HMCN2: variants seen among roughly 807,000 people sequenced by gnomAD.
The protein encoded by HMCN2 is hemicentin 2, also known as hemicentin-2.
A neutral mutation model predicts 377.5 loss-of-function variants in HMCN2; 325 were observed. That is an observed-to-expected ratio of 0.86 (90% CI 0.79 to 0.94). The LOEUF (loss-of-function observed/expected upper bound fraction) is 0.94. HMCN2 is among the 40% of genes least tolerant of loss of function. The pLI is 0.00. For missense variants in HMCN2, 4,543 were observed against 4,725.3 expected (o/e 0.96, Z 1.13); for synonymous variants, 2,007 against 2,046.8 (o/e 0.98, Z 0.53).
Position 130,366,198 on chromosome 9 carries a change from C to A in HMCN2, c.6625+203C>A, listed in dbSNP as rs181508136. On this transcript the variant is annotated intron_variant, in intron 43 of 97. Transcript: ENST00000683500. ...CCCTGAGCCTGCAGGAGCCCCTGGT[C>A]CTGCTCTGCCAGTAAGAGCTGGATT... Among the ~76,000 whole-genome samples, 22 of 152,336 alleles carry A rather than the reference C, an allele frequency of 1.4e-4. No individual in the cohort carries two copies. In the East Asian group the frequency reaches 4.2e-3, roughly 29 times the overall value.
chr9:130,382,665 T>TC lies in HMCN2; in HGVS notation c.8546-9dup. ...CCTGTGCCAGCCCCTCAGCCCCCTC[T>TC]CCCCCACCCCCAGCCCCACCTGTGA... On this transcript the variant is annotated splice_polypyrimidine_tract_variant and intron_variant, in intron 55 of 97. Transcript: ENST00000683500. 1 of 505,592 alleles carries TC rather than the reference T, an allele frequency of 2.0e-6. No individual in the cohort carries two copies. The highest frequency in any genetic ancestry group is 2.5e-6 in the Non-Finnish European group (1 of 407,062). 31.3% of individuals were successfully genotyped at this position (505,592 alleles called of 1,614,324 possible).
intron 51 of HMCN2, among the ~76,000 whole-genome samples, chr9:130,376,222 G>A (rs988409482): frequency 6.6e-6 from 1 of 152,146 alleles, no homozygotes; most frequent in South Asian, 2.1e-4. Context: ...GCTTCCTCCT[G>A]CCACTTCTGC....
intron 4 of HMCN2, among the ~76,000 whole-genome samples, chr9:130,290,523 G>T (rs78072800): frequency 6.6e-6 from 1 of 152,190 alleles, no homozygotes; most frequent in Non-Finnish European, 1.5e-5. Flanking sequence ...ACAAGGCCTG[G>T]CCCGGGGGAA....
intron 62 of HMCN2, among the ~76,000 whole-genome samples, chr9:130,388,743 G>A (rs564090221): frequency 5.4e-4 from 79 of 146,596 alleles, no homozygotes; most frequent in African/African-American, 1.1e-3. Flanking sequence ...CATAAAGAGC[G>A]TCTCCTGTGA....
Position 130,304,952 on chromosome 9 carries a change from C to G in HMCN2, c.1766C>G (p.Ala589Gly), listed in dbSNP as rs1554936138. The change falls in exon 11 of 98, where the codon GCC (alanine) becomes GGC (glycine). Residue 589 changes from alanine to glycine, a missense_variant. Ala to Gly is a moderately conservative substitution (Grantham distance 60). Transcript: ENST00000683500. The surrounding 1 kb of genome is among the most constrained non-coding windows in gnomAD (Gnocchi z 4.3). ...GACGGCGGGAGGTACCAGTGTGTGGCCAGCAATGCCAATGGGGTCACAAGG... is the reference window on the plus strand; with the variant it reads ...GACGGCGGGAGGTACCAGTGTGTGGGCAGCAATGCCAATGGGGTCACAAGG... ...PTDGGRYQCVASNANGVTRAS... is the reference protein window; with the variant it reads ...PTDGGRYQCVGSNANGVTRAS... 2.1e-6 allele frequency: 1 copy of G among 471,094 alleles called. No individual in the cohort carries two copies. The highest frequency in any genetic ancestry group is 4.4e-6 in the Non-Finnish European group (1 of 227,052). 29.2% of individuals were successfully genotyped at this position (471,094 alleles called of 1,614,324 possible).
chr9:130,348,934 G>T, intron 27 of HMCN2, 50 bp from the exon 28 acceptor site: 1 of 1,284,846 alleles, frequency 7.8e-7, no homozygotes, highest in South Asian at 1.3e-5. Context: ...GATGCTGGGG[G>T]TGGTGGCTGG....
chr9:130,429,699 C>T lies in HMCN2; in HGVS notation c.14326+14C>T. 7.6e-7 allele frequency: 1 copy of T among 1,323,472 alleles called. No homozygotes were observed. The highest frequency in any genetic ancestry group is 1.0e-6 in the Non-Finnish European group (1 of 989,046). 82.0% of individuals were successfully genotyped at this position (1,323,472 alleles called of 1,614,324 possible). A position where few individuals can be genotyped will look rare whatever the true frequency, so the allele number is the denominator to read the frequency against. On this transcript the variant is annotated intron_variant, in intron 94 of 97. Transcript: ENST00000683500. ...TGCCCTGCCTAGGTACGGGGACACCCACCCTCTGGCCACACCGCTGCAGCT... is the reference window on the plus strand; with the variant it reads ...TGCCCTGCCTAGGTACGGGGACACCTACCCTCTGGCCACACCGCTGCAGCT...
In HMCN2 at chr9:130,352,961, C is replaced by T. The variant is rs950070911; in HGVS notation, c.4620C>T (p.Gly1540=). Residue 1540 remains glycine, a synonymous_variant, in exon 31 of 98, where the codon GGC becomes GGT. Transcript: ENST00000683500. ...PPTIWGSNET[G]EVAVMEDHLV... ...CTATCTGGGGCTCCAACGAGACAGG[C>T]GAGGTGGCCGTCATGGAGGACCACC... 4.9e-5 allele frequency: 64 copies of T among 1,300,334 alleles called. No individual in the cohort carries two copies. The highest frequency in any genetic ancestry group is 6.1e-5 in the Non-Finnish European group (60 of 986,820). 80.5% of individuals were successfully genotyped at this position (1,300,334 alleles called of 1,614,324 possible). A position where few individuals can be genotyped will look rare whatever the true frequency, so the allele number is the denominator to read the frequency against.
In HMCN2 at chr9:130,388,518, G is replaced by A. The variant is rs1195699109; in HGVS notation, c.9501G>A (p.Trp3167Ter). The A allele has an allele frequency of 1.0e-6, 1 of 988,012 alleles. No individual in the cohort carries two copies. Among genetic ancestry groups the A allele is most frequent in the Non-Finnish European group, 1.2e-6 (1 of 830,168 alleles). 61.2% of individuals were successfully genotyped at this position (988,012 alleles called of 1,614,324 possible). The change falls in exon 62 of 98, where the codon TGG becomes TGA. Residue 3167 changes from tryptophan (W) to a stop codon, truncating the protein, a stop_gained. Transcript: ENST00000683500. LOFTEE classifies it high-confidence loss of function. Reference protein sequence around the residue: ...VSGVPAPTVTWLKDRMPVESS... With the variant: ...VSGVPAPTVT The stretch of plus-strand genomic sequence containing the variant: ...GGGTCCCTGCACCCACGGTCACTTG[G>A]CTGAAGGACAGGATGCCTGTGGGTG...
At chr9:130,314,555 C>G (rs1837436910) in intron 15 of HMCN2, among the ~76,000 whole-genome samples, 1 of 152,170 alleles carries the variant, frequency 6.6e-6, no homozygotes, top group Non-Finnish European at 1.5e-5. Flanking sequence ...TCGCAGCATT[C>G]CCTCTGTGGG....
rs1217901834 is a variant in HMCN2 at position 130,423,930 on chromosome 9, G to C, written c.13382-846G>C. On this transcript the variant is annotated intron_variant, in intron 87 of 97. Transcript: ENST00000683500. This position sits in a 1 kb window ranked among gnomAD's most constrained non-coding sequence, Gnocchi z 5.5. Reference sequence around the variant, plus strand: ...CGTGGTGACCCGGGGCCCTCAATCGGTATTTGTTGAACTGAGTTAAATATC... The same window carrying C: ...CGTGGTGACCCGGGGCCCTCAATCGCTATTTGTTGAACTGAGTTAAATATC... 6.6e-6 allele frequency among the ~76,000 whole-genome samples: 1 copy of C among 152,014 alleles called. No individual in the cohort carries two copies. The highest frequency in any genetic ancestry group is 6.5e-5 in the Admixed American group (1 of 15,272).
chr9:130,360,564 G>A lies in HMCN2; in HGVS notation c.5910G>A (p.Val1970=). 2 of 1,304,124 alleles carry A rather than the reference G, an allele frequency of 1.5e-6. No homozygotes were observed. Among genetic ancestry groups the A allele is most frequent in the South Asian group, 1.2e-5 (1 of 81,028 alleles). The allele number at this position is 1,304,124 out of a possible 1,614,324, so 80.8% of individuals were successfully genotyped here. ...AGSYRCVASN[V]AGSTELRYGL... is the part of the protein sequence containing the mutation. ...GCTACCGCTGTGTGGCATCCAATGT[G>A]GCAGGTAGCACAGAGCTGCGGTATG... Residue 1970 remains valine (V), a synonymous_variant, in exon 38 of 98, where the codon GTG becomes GTA. Transcript: ENST00000683500. The surrounding 1 kb of genome is among the most constrained non-coding windows in gnomAD (Gnocchi z 4.7).
intron 27 of HMCN2, 43 bp downstream of exon 27, chr9:130,348,718 G>A: frequency 7.7e-7 from 1 of 1,297,806 alleles, no homozygotes; most frequent in Non-Finnish European, 1.0e-6. Context: ...GTGGGATTTA[G>A]GCTGGGGACA....
In HMCN2 at chr9:130,364,097, G is replaced by C. The variant is rs375780161; in HGVS notation, c.6233-617G>C. Among the ~76,000 whole-genome samples, 14 of 152,372 alleles carry C rather than the reference G, an allele frequency of 9.2e-5. No homozygotes were observed. In the East Asian group the frequency reaches 1.9e-3, roughly 21 times the overall value. The stretch of plus-strand genomic sequence containing the variant: ...AGCTCTTTCCCTTTGCTGGAGTGAA[G>C]ATGGTGGTTAATACATATTGTATGC... On this transcript the variant is annotated intron_variant, in intron 40 of 97. Coordinates refer to ENST00000683500, the MANE Select transcript of HMCN2 (RefSeq NM_001291815.2).
At chr9:130,297,617 G>A (rs1836242793) in intron 7 of HMCN2, among the ~76,000 whole-genome samples, 1 of 152,230 alleles carries the variant, frequency 6.6e-6, no homozygotes, top group East Asian at 1.9e-4. Flanking sequence ...ACCCTGAACA[G>A]TGACCAAAAA....
At chr9:130,413,328 CT>C (rs2131762399) in intron 85 of HMCN2, among the ~76,000 whole-genome samples, 1 of 152,270 alleles carries the variant, frequency 6.6e-6, no homozygotes, top group East Asian at 1.9e-4. Context: ...GCCTGGTTCC[CT>C]GGTTTAGGTG....
intron 4 of HMCN2, among the ~76,000 whole-genome samples, chr9:130,292,647 T>C (rs1172227542): frequency 6.6e-6 from 1 of 152,262 alleles, no homozygotes; most frequent in East Asian, 1.9e-4. Context: ...TATTATTCAA[T>C]GTGTTTCAAT....
Position 130,296,712 on chromosome 9 carries a change from C to T in HMCN2, c.930C>T (p.Gly310=), listed in dbSNP as rs535552530. ...SSGRHSVRIT[G]VSNIDFRAGF... ...GCCGCCATTCAGTGAGGATCACAGG[C>T]GTCAGCAACATTGACTTCCGAGCCG... Residue 310 remains glycine, a synonymous_variant, in exon 7 of 98, where the codon GGC becomes GGT. Coordinates refer to ENST00000683500, the MANE Select transcript of HMCN2 (RefSeq NM_001291815.2). 1.9e-5 allele frequency: 9 copies of T among 471,134 alleles called. No individual in the cohort carries two copies. The highest frequency in any genetic ancestry group is 4.7e-5 in the Admixed American group (2 of 42,584). The allele number at this position is 471,134 out of a possible 1,614,324, so 29.2% of individuals were successfully genotyped here. A position where few individuals can be genotyped will look rare whatever the true frequency, so the allele number is the denominator to read the frequency against.
chr9:130,399,676 A>G, intron 76 of HMCN2, 44 bp downstream of exon 76: 1 of 1,249,722 alleles, frequency 8.0e-7, no homozygotes, highest in Non-Finnish European at 1.0e-6. Flanking sequence ...GGGTGGGGGC[A>G]GCGCCTTCCC....
Sources: gnomAD v4.1 joint callset for allele counts (sites outside exome capture counted in the v4.1 genomes callset) on GRCh38, gnomAD v4.1.1 for gene constraint, Gnocchi (gnomAD v3.1) non-coding constraint, MANE v1.5 for transcripts, NCBI Gene and HGNC (gene_info 2026-07-23, HGNC 2026-07-21) for gene names.